The following ARHGEF38 variants were observed in gnomAD, a reference collection of about 807,000 sequenced individuals.
ARHGEF38 encodes Rho guanine nucleotide exchange factor (GEF) 38.
ARHGEF38 carries 79 observed loss-of-function variants against 79.9 expected under a neutral mutation model. The ratio of observed to expected loss-of-function variants is 0.99; its 90% CI spans 0.82 to 1.19. The LOEUF is 1.19. Ranked by LOEUF, ARHGEF38 falls within the 50% of genes most tolerant of loss-of-function variation. The pLI is 0.00. For synonymous variants in ARHGEF38, 366 were observed against 328.3 expected (o/e 1.11, Z -1.24); for missense variants, 962 against 907.2 (o/e 1.06, Z -0.78).
chr4:105,679,186 G>T lies in ARHGEF38; in HGVS notation c.*1249G>T. On this transcript the variant is annotated 3_prime_UTR_variant, in exon 14 of 14. Transcript: ENST00000420470. ...TGACCAATTGCCAGATCGACAACCT[G>T]ACTGGCCTGACCAGCCACTCCTCTG... 1 of 614,884 alleles carries T rather than the reference G, an allele frequency of 1.6e-6. No individual in the cohort carries two copies. Among genetic ancestry groups the T allele is most frequent in the South Asian group, 2.0e-5 (1 of 49,372 alleles). 38.1% of individuals were successfully genotyped at this position (614,884 alleles called of 1,614,324 possible).
chr4:105,580,578 G>C (rs965269416), intron 1 of ARHGEF38, among the ~76,000 whole-genome samples: 12 of 148,990 alleles, frequency 8.1e-5, no homozygotes, highest in African/African-American at 3.1e-4. Context: ...TGGTCTGAGA[G>C]AGTGGTTGGC....
At chr4:105,641,573 A>T (rs1729617631) in intron 5 of ARHGEF38, among the ~76,000 whole-genome samples, 1 of 152,152 alleles carries the variant, frequency 6.6e-6, no homozygotes, top group Admixed American at 6.5e-5. Context: ...GCTTGTGGCT[A>T]CTGTAAAATA....
At position 105,677,782 on chromosome 4, in the gene ARHGEF38, C is replaced by T. The variant is rs1289318806; in HGVS notation, c.2179C>T (p.Arg727Trp). ...CTATGCAGTTCATGCTTTTCAAGCA[C>T]GGAGTGACCATGAACTCAGCCTTCA... The part of the protein sequence containing the change: ...IFYAVHAFQA[R>W]SDHELSLQEY... Residue 727 changes from arginine (R) to tryptophan (W), a missense_variant, in exon 14 of 14, where the codon CGG (arginine) becomes TGG (tryptophan). Arg to Trp is a moderately radical substitution (Grantham distance 101). Transcript: ENST00000420470. The T allele has an allele frequency of 4.6e-6, 7 of 1,518,276 alleles. No homozygotes were observed. The highest frequency in any genetic ancestry group is 1.2e-5 in the South Asian group (1 of 81,140). 94.1% of individuals were successfully genotyped at this position (1,518,276 alleles called of 1,614,324 possible).
chr4:105,561,464 A>AATGGAATGGAATGGAATG (rs1578253558), intron 1 of ARHGEF38: 3 of 44,598 alleles, frequency 6.7e-5, no homozygotes, highest in East Asian at 4.8e-4. Context: ...AGAATAGAAT[A>AATGGAATGGAATGGAATG]GAATAGAATA....
At chr4:105,656,433 T>C (rs1382680622) in intron 9 of ARHGEF38, among the ~76,000 whole-genome samples, 1 of 152,214 alleles carries the variant, frequency 6.6e-6, no homozygotes, top group African/African-American at 2.4e-5. Flanking sequence ...AAGACTTTTA[T>C]TTAAGAGTCA....
At chr4:105,591,937 TA>T (rs775045411) in intron 2 of ARHGEF38, among the ~76,000 whole-genome samples, 4 of 152,250 alleles carry the variant, frequency 2.6e-5, no homozygotes, top group Non-Finnish European at 5.9e-5. Context: ...TTTATTTTAT[TA>T]ACATATAAAC....
chr4:105,653,984 T>A, intron 7 of ARHGEF38, 81 bp from the exon 8 acceptor site: 1 of 704,786 alleles, frequency 1.4e-6, no homozygotes, highest in Non-Finnish European at 2.2e-6. Context: ...TTTTGTAATG[T>A]GCTGGACCAA....
At position 105,589,259 on chromosome 4, in the gene ARHGEF38, C is replaced by G. The variant is rs1329784821; in HGVS notation, c.208C>G (p.Pro70Ala). The change falls in exon 2 of 14, where the codon CCA (proline) becomes GCA (alanine). Residue 70 changes from proline to alanine, a missense_variant. Transcript: ENST00000420470. ...YNQKLQEKMTPQGECSVAETL... is the reference protein window; with the variant it reads ...YNQKLQEKMTAQGECSVAETL... ...TTTTCATTTAACAGAAAAGATGACT[C>G]CACAGGGTGAGTGTTCTGTAGCTGA... is the stretch of plus-strand genomic sequence containing the variant. 1 of 1,612,084 alleles carries G rather than the reference C, an allele frequency of 6.2e-7. No homozygotes were observed.
intron 2 of ARHGEF38, among the ~76,000 whole-genome samples, chr4:105,598,983 G>A (rs975101786): frequency 6.6e-6 from 1 of 152,120 alleles, no homozygotes; most frequent in African/African-American, 2.4e-5. Flanking sequence ...CTGACACTGA[G>A]TCATCACACT....
chr4:105,665,019 A>T (rs1323241853), intron 10 of ARHGEF38, among the ~76,000 whole-genome samples: 20 of 152,176 alleles, frequency 1.3e-4, no homozygotes, highest in Admixed American at 1.2e-3. Context: ...TTGTTGAGAC[A>T]GGATCTCACT....
At chr4:105,582,603 T>G (rs1294999466) in intron 1 of ARHGEF38, among the ~76,000 whole-genome samples, 1 of 152,190 alleles carries the variant, frequency 6.6e-6, no homozygotes, top group African/African-American at 2.4e-5. Context: ...GTTGTGGTTC[T>G]CAATTTACTA....
At chr4:105,659,552 A>C (rs1730478965) in intron 10 of ARHGEF38, among the ~76,000 whole-genome samples, 187 bp downstream of exon 10, 1 of 152,166 alleles carries the variant, frequency 6.6e-6, no homozygotes, top group Admixed American at 6.5e-5. Context: ...AAACTCAAAG[A>C]GGGTTTCCTA....
At chr4:105,567,797 A>G (rs1726005934) in intron 1 of ARHGEF38, among the ~76,000 whole-genome samples, 1 of 152,074 alleles carries the variant, frequency 6.6e-6, no homozygotes, top group African/African-American at 2.4e-5. Context: ...TTTTATTATT[A>G]TACTTTAAGT....
At chr4:105,669,151 A>T (rs1484725631) in intron 13 of ARHGEF38, among the ~76,000 whole-genome samples, 1 of 152,170 alleles carries the variant, frequency 6.6e-6, no homozygotes, top group African/African-American at 2.4e-5. Context: ...TATTCTGTGC[A>T]TATACAAACA....
chr4:105,613,535 C>G (rs1560721963), intron 3 of ARHGEF38, 28 bp downstream of exon 3: 2 of 1,607,036 alleles, frequency 1.2e-6, no homozygotes, highest in African/African-American at 1.3e-5. Context: ...TCGAGTTCTA[C>G]AATACAACAG....
intron 1 of ARHGEF38, among the ~76,000 whole-genome samples, chr4:105,582,363 T>C (rs939162629): frequency 2.0e-5 from 3 of 151,830 alleles, no homozygotes; most frequent in Non-Finnish European, 4.4e-5. Flanking sequence ...TCTTTTCTTG[T>C]ATATGAATTT....
At chr4:105,665,279 G>A (rs1730707577) in intron 10 of ARHGEF38, among the ~76,000 whole-genome samples, 1 of 151,988 alleles carries the variant, frequency 6.6e-6, no homozygotes, top group South Asian at 2.1e-4. Context: ...CGGATCATGA[G>A]ATCAGGAGAT....
chr4:105,641,693 G>A (rs1729624179), intron 5 of ARHGEF38, among the ~76,000 whole-genome samples: 1 of 151,658 alleles, frequency 6.6e-6, no homozygotes, highest in Admixed American at 6.6e-5. Context: ...TTCCCATTAA[G>A]AAATATAGAT....
chr4:105,591,480 T>C (rs1475449975), intron 2 of ARHGEF38, among the ~76,000 whole-genome samples: 2 of 152,152 alleles, frequency 1.3e-5, no homozygotes, highest in African/African-American at 4.8e-5. Flanking sequence ...CCACCCGACT[T>C]GGCCTCCCAA....
Sources: gnomAD v4.1 joint callset for allele counts (sites outside exome capture counted in the v4.1 genomes callset) on GRCh38, gnomAD v4.1.1 for gene constraint, MANE v1.5 for transcripts, NCBI Gene and HGNC (gene_info 2026-07-23, HGNC 2026-07-21) for gene names.